Variants in CRTC2 observed in about 807,000 individuals in gnomAD.
CRTC2 encodes the protein CREB regulated transcription coactivator 2.
Under a neutral mutation model 70.9 loss-of-function variants are expected in CRTC2, and 25 were observed. The observed-to-expected ratio is 0.35, with a 90% CI of 0.26 to 0.49. CRTC2 has a LOEUF of 0.49. Ranked by LOEUF, CRTC2 falls within the 20% of genes least tolerant of loss-of-function variation. The probability of loss-of-function intolerance (pLI) is 0.98; values close to 1 mark genes in which losing one functional copy is unlikely to be tolerated. For synonymous variants in CRTC2, 330 were observed against 364.1 expected (o/e 0.91, Z 1.07); for missense variants, 737 against 882.6 (o/e 0.83, Z 2.09).
Position 153,949,039 on chromosome 1 carries a change from C to T in CRTC2, c.1674+76G>A, listed in dbSNP as rs1253648690. The T allele has an allele frequency of 2.7e-6, 4 of 1,496,714 alleles. No individual in the cohort carries two copies. In the Admixed American group the frequency reaches 5.0e-5, roughly 19 times the overall value. The allele number at this position is 1,496,714 out of a possible 1,614,324, so 92.7% of individuals were successfully genotyped here. ...CTAGATCTCCCCATTCACAGTGCACCAGCCATGCCATTCAGGCCCCATTGA... is the reference window on the plus strand; with the variant it reads ...CTAGATCTCCCCATTCACAGTGCACTAGCCATGCCATTCAGGCCCCATTGA... On this transcript the variant is annotated intron_variant, in intron 12 of 13. Transcript: ENST00000368633.
Position 153,947,716 on chromosome 1 carries a change from T to C in CRTC2, c.*393A>G, listed in dbSNP as rs41312716. The stretch of plus-strand genomic sequence containing the variant: ...TATTAACATATAATAATATATTTAA[T>C]AAAAAATAGTATCCACTCTGGCTCT... On this transcript the variant is annotated 3_prime_UTR_variant, in exon 14 of 14. Coordinates refer to ENST00000368633, the MANE Select transcript of CRTC2 (RefSeq NM_181715.3). 3.1e-3 allele frequency: 499 copies of C among 162,058 alleles called. 3 individuals are homozygous for C. Among genetic ancestry groups the C allele is most frequent in the Middle Eastern group, 0.016 (5 of 306 alleles). The allele number at this position is 162,058 out of a possible 1,614,324, so 10.0% of individuals were successfully genotyped here.
At chr1:153,949,494 C>T (rs1680208978) in intron 11 of CRTC2, 110 bp from the exon 12 acceptor site, 1 of 1,176,158 alleles carries the variant, frequency 8.5e-7, no homozygotes, top group Non-Finnish European at 1.2e-6. Context: ...ACAAACATGA[C>T]AACATTCCAC....
rs190179256 is a variant in CRTC2 at position 153,957,594 on chromosome 1, C to T, written c.153+751G>A. On this transcript the variant is annotated intron_variant, in intron 1 of 13. Coordinates refer to ENST00000368633, the MANE Select transcript of CRTC2 (RefSeq NM_181715.3). Reference sequence around the variant, plus strand: ...TGAATATTCTCAACACATAGAAGACCCTCCAAGGCACCCTACACACTAACC... The same window carrying T: ...TGAATATTCTCAACACATAGAAGACTCTCCAAGGCACCCTACACACTAACC... Among the ~76,000 whole-genome samples the T allele has an allele frequency of 2.7e-3, 410 of 152,116 alleles. 5 individuals carry two copies. Among genetic ancestry groups the T allele is most frequent in the African/African-American group, 9.5e-3 (393 of 41,472 alleles).
At chr1:153,949,991 T>C (rs1216577349) in intron 11 of CRTC2, among the ~76,000 whole-genome samples, 1 of 152,168 alleles carries the variant, frequency 6.6e-6, no homozygotes, top group Admixed American at 6.5e-5. Context: ...AGTACAGTGG[T>C]GCAATCATAG....
At position 153,952,391 on chromosome 1, in the gene CRTC2, A is replaced by C; in HGVS notation, c.752+6T>G. Reference sequence around the variant, plus strand: ...CACCTCTCAGCCAACCTCAGGGAGTACTTACTTAATTCCAGGGACTTCACA... The same window carrying C: ...CACCTCTCAGCCAACCTCAGGGAGTCCTTACTTAATTCCAGGGACTTCACA... On this transcript the variant is annotated splice_donor_region_variant and intron_variant, in intron 9 of 13. Coordinates refer to ENST00000368633, the MANE Select transcript of CRTC2 (RefSeq NM_181715.3). The C allele has an allele frequency of 6.2e-7, 1 of 1,614,074 alleles. No homozygotes were observed. Among genetic ancestry groups the C allele is most frequent in the Non-Finnish European group, 8.5e-7 (1 of 1,179,930 alleles).
intron 8 of CRTC2, 44 bp downstream of exon 8, chr1:153,952,527 A>G (rs780683630): frequency 1.2e-6 from 2 of 1,612,456 alleles, no homozygotes; most frequent in South Asian, 2.2e-5. Flanking sequence ...TGGCAAGGGG[A>G]TAGCAGAGAG....
At chr1:153,956,388 C>CTA (rs1266328339) in intron 1 of CRTC2, among the ~76,000 whole-genome samples, 1 of 152,206 alleles carries the variant, frequency 6.6e-6, no homozygotes, top group African/African-American at 2.4e-5. Flanking sequence ...TGTGTACAGA[C>CTA]ATCCTGTCTC....
intron 11 of CRTC2, among the ~76,000 whole-genome samples, chr1:153,949,972 C>T (rs1490924918): frequency 6.6e-6 from 1 of 152,170 alleles, no homozygotes; most frequent in Non-Finnish European, 1.5e-5. Flanking sequence ...ACTCTGTTGC[C>T]CAGGCTGGAG....
intron 8 of CRTC2, 48 bp downstream of exon 8, chr1:153,952,523 G>A (rs758020239): frequency 5.0e-6 from 8 of 1,612,354 alleles, no homozygotes; most frequent in South Asian, 2.2e-5. Flanking sequence ...CCCATGGCAA[G>A]GGGATAGCAG....
chr1:153,948,739 T>C lies in CRTC2; in HGVS notation c.1675-95A>G, dbSNP rs980429834. On this transcript the variant is annotated intron_variant, in intron 12 of 13. Transcript: ENST00000368633. The stretch of plus-strand genomic sequence containing the variant: ...TATCCCCTTTGCCCAGCAACCTTCA[T>C]CCACCCCAGGAACAGAGGCAATGAC... 3 of 1,377,724 alleles carry C rather than the reference T, an allele frequency of 2.2e-6. No homozygotes were observed. In the African/African-American group the frequency reaches 4.3e-5, roughly 20 times the overall value. 85.3% of individuals were successfully genotyped at this position (1,377,724 alleles called of 1,614,324 possible).
intron 10 of CRTC2, 69 bp downstream of exon 10, chr1:153,951,949 A>C (rs1284795314): frequency 1.3e-6 from 2 of 1,559,762 alleles, no homozygotes; most frequent in Non-Finnish European, 1.7e-6. Context: ...CAGGTGCTCA[A>C]ACCTACCTCC....
Position 153,953,530 on chromosome 1 carries a change from G to C in CRTC2, c.503+8C>G, listed in dbSNP as rs182157068. ...GAGATCTGGCCTAAAGAAGGCAAAA[G>C]CCATCACCTGTTAAGTGCAGATGGT... On this transcript the variant is annotated splice_region_variant and intron_variant, in intron 5 of 13. Coordinates refer to ENST00000368633, the MANE Select transcript of CRTC2 (RefSeq NM_181715.3). The C allele has an allele frequency of 6.2e-7, 1 of 1,609,460 alleles. No homozygotes were observed. The highest frequency in any genetic ancestry group is 1.3e-5 in the African/African-American group (1 of 74,720).
At chr1:153,958,144 A>G (rs1329429434) in intron 1 of CRTC2, 7 of 1,413,536 alleles carry the variant, frequency 5.0e-6, no homozygotes, top group Non-Finnish European at 6.4e-6. Flanking sequence ...TACACCCCGA[A>G]CCTCTCCGGT....
At position 153,958,445 on chromosome 1, in the gene CRTC2, T is replaced by A; in HGVS notation, c.53A>T (p.Asn18Ile). ...GPGSATASASNPRKFSEKIAL... is the reference protein window; with the variant it reads ...GPGSATASASIPRKFSEKIAL... Reference sequence around the variant, plus strand: ...AATCTTCTCACTAAATTTGCGCGGATTGGAAGCCGAGGCCGTGGCCGAACC... The same window carrying A: ...AATCTTCTCACTAAATTTGCGCGGAATGGAAGCCGAGGCCGTGGCCGAACC... Residue 18 changes from asparagine to isoleucine, a missense_variant, in exon 1 of 14, where the codon AAT becomes ATT. This residue lies in a region of CRTC2 where 29 missense variants were observed against 25.5 expected (regional missense o/e 1.14). Transcript: ENST00000368633. 1 of 1,613,472 alleles carries A rather than the reference T, an allele frequency of 6.2e-7. No homozygotes were observed. Among genetic ancestry groups the A allele is most frequent in the African/African-American group, 1.3e-5 (1 of 75,044 alleles).
chr1:153,953,272 G>A lies in CRTC2; in HGVS notation c.601C>T (p.Arg201Cys), dbSNP rs748182371. Residue 201 changes from arginine (R) to cysteine (C), a missense_variant, in exon 6 of 14, where the codon CGT becomes TGT. By Grantham distance (180) the Arg-to-Cys change is radical. Transcript: ENST00000368633. The stretch of plus-strand genomic sequence containing the variant: ...CTGGGACAGGGCCACTTACCCCCAC[G>A]TCGGCTGGGCAGGATGCTGGGAGGT... ...PTPPSILPSR[R>C]GGILDGEMDP... The A allele has an allele frequency of 2.2e-5, 34 of 1,576,276 alleles. 1 individual carries two copies. In the Admixed American group the frequency reaches 3.9e-4, roughly 18 times the overall value.
At position 153,951,437 on chromosome 1, in the gene CRTC2, A is replaced by G; in HGVS notation, c.1227T>C (p.Pro409=). ...SSSSSSSTSS[P]VLGAPSYPAS... is the part of the protein sequence containing the mutation. ...CAGGGTAAGAGGGGGCGCCCAAAAC[A>G]GGAGATGAAGTGGAGGAGGAGGAAG... The change falls in exon 11 of 14, where the codon CCT becomes CCC. Residue 409 remains proline (P), a synonymous_variant. Transcript: ENST00000368633. 1 of 1,603,384 alleles carries G rather than the reference A, an allele frequency of 6.2e-7. No homozygotes were observed. The highest frequency in any genetic ancestry group is 1.3e-5 in the African/African-American group (1 of 74,796).
chr1:153,957,919 G>C (rs866793494), intron 1 of CRTC2: 11 of 544,966 alleles, frequency 2.0e-5, no homozygotes, highest in Non-Finnish European at 2.7e-5. Context: ...GAAGGCAGAG[G>C]GACCAGTTTG....
intron 1 of CRTC2, among the ~76,000 whole-genome samples, chr1:153,957,278 T>A (rs1680668899): frequency 6.6e-6 from 1 of 151,572 alleles, no homozygotes; most frequent in South Asian, 2.1e-4. Context: ...GTCACAGTCA[T>A]AAATGCAACC....
rs1680547975 is a variant in CRTC2, at chr1:153,954,968, C to T, written c.277G>A (p.Asp93Asn). 1 of 1,614,010 alleles carries T rather than the reference C, an allele frequency of 6.2e-7. No individual in the cohort carries two copies. Among genetic ancestry groups the T allele is most frequent in the Non-Finnish European group, 8.5e-7 (1 of 1,179,874 alleles). ...EFQSPLHSPL[D>N]SSRSTRHHGL... Reference sequence around the variant, plus strand: ...TGGTGCCGAGTGCTCCGAGATGAATCCAAAGGTGAGTGGAGGGGGCTCTGC... The same window carrying T: ...TGGTGCCGAGTGCTCCGAGATGAATTCAAAGGTGAGTGGAGGGGGCTCTGC... Residue 93 changes from aspartate (D) to asparagine (N), a missense_variant, in exon 3 of 14, where the codon GAT becomes AAT. Around this residue, in one of 3 missense-constraint regions of CRTC2, gnomAD observed 699 missense variants for 823.7 expected, o/e 0.85. Transcript: ENST00000368633.
Sources: allele counts gnomAD v4.1 joint callset (sites outside exome capture counted in the v4.1 genomes callset), GRCh38; gene constraint gnomAD v4.1.1; regional missense constraint gnomAD v4.1.1; transcripts MANE v1.5; gene names NCBI Gene and HGNC (gene_info 2026-07-23, HGNC 2026-07-21).